The following DLG2 variants were observed in gnomAD, a reference collection of about 807,000 sequenced individuals.
DLG2 encodes the protein discs large MAGUK scaffold protein 2, also known as disks large homolog 2.
A neutral mutation model predicts 132.5 loss-of-function variants in DLG2; 45 were observed. The observed-to-expected ratio is 0.34, with a 90% CI of 0.27 to 0.44. The LOEUF is 0.44. DLG2 is among the 20% of genes least tolerant of loss of function. The pLI, the probability that DLG2 is intolerant of heterozygous loss-of-function variation, is 1.00. For synonymous variants in DLG2, 424 were observed against 419.6 expected (o/e 1.01, Z -0.13); for missense variants, 1,045 against 1,196.9 (o/e 0.87, Z 1.87).
chr11:84,588,907 G>A (rs568728490), intron 6 of DLG2, among the ~76,000 whole-genome samples: 29 of 151,950 alleles, frequency 1.9e-4, no homozygotes, highest in African/African-American at 6.3e-4. Context: ...CTATGGACTC[G>A]CCCTGAATTC....
At chr11:84,488,792 A>G (rs905589120) in intron 7 of DLG2, among the ~76,000 whole-genome samples, 3 of 152,156 alleles carry the variant, frequency 2.0e-5, no homozygotes, top group Admixed American at 6.6e-5. Flanking sequence ...GGTAAAACTA[A>G]TAAATACTGT....
chr11:84,174,307 C>T (rs1378417086), intron 8 of DLG2, among the ~76,000 whole-genome samples: 1 of 151,948 alleles, frequency 6.6e-6, no homozygotes, highest in Non-Finnish European at 1.5e-5. Flanking sequence ...TTCTTCATAT[C>T]CTTTGAGGTT....
At chr11:83,988,898 A>G (rs1459556258) in intron 11 of DLG2, among the ~76,000 whole-genome samples, 1 of 152,064 alleles carries the variant, frequency 6.6e-6, no homozygotes, top group African/African-American at 2.4e-5. Context: ...TAAGTCATCT[A>G]CATATTTTGT....
chr11:83,709,635 GGTT>G (rs2084923015), intron 18 of DLG2, among the ~76,000 whole-genome samples: 1 of 152,132 alleles, frequency 6.6e-6, no homozygotes, highest in African/African-American at 2.4e-5. Flanking sequence ...AGCATCTGCA[GGTT>G]TTGTTTTCAA....
intron 6 of DLG2, among the ~76,000 whole-genome samples, chr11:84,818,409 C>T (rs1241208308): frequency 6.6e-6 from 1 of 151,724 alleles, no homozygotes; most frequent in African/African-American, 2.4e-5. Flanking sequence ...TCTCTTCTTC[C>T]CATAACTTTC....
intron 7 of DLG2, among the ~76,000 whole-genome samples, chr11:84,383,716 A>C (rs1483079109): frequency 6.6e-6 from 1 of 152,060 alleles, no homozygotes; most frequent in Admixed American, 6.6e-5. Flanking sequence ...CATTCTGTTA[A>C]CAATCCAAGT....
chr11:85,130,376 G>C (rs180838828), intron 5 of DLG2, among the ~76,000 whole-genome samples: 296 of 152,232 alleles, frequency 1.9e-3, no homozygotes, highest in African/African-American at 6.9e-3. Flanking sequence ...TCCAGTAGGG[G>C]AAAATGGCAG....
At position 83,639,508 on chromosome 11, in the gene DLG2, C is replaced by CA. The variant is rs1371399218; in HGVS notation, c.1826-6184dup. Among the ~76,000 whole-genome samples the CA allele has an allele frequency of 2.9e-5, 4 of 138,288 alleles. No individual in the cohort carries two copies. In the South Asian group the frequency reaches 6.9e-4, roughly 24 times the overall value. The allele number at this position is 138,288 out of a possible 152,430, so 90.7% of individuals were successfully genotyped here. A position where few individuals can be genotyped will look rare whatever the true frequency, so the allele number is the denominator to read the frequency against. On this transcript the variant is annotated intron_variant, in intron 18 of 27. Coordinates refer to ENST00000376104, the MANE Select transcript of DLG2 (RefSeq NM_001142699.3). ...CATTCTCAGCAAACTATCGCAAGGA[C>CA]AAAAAACCAAACACCGCATGTTCTC...
At chr11:85,418,792 C>A (rs1439196177) in intron 3 of DLG2, among the ~76,000 whole-genome samples, 2 of 152,102 alleles carry the variant, frequency 1.3e-5, no homozygotes, top group Non-Finnish European at 1.5e-5. Flanking sequence ...TAGTAAATAT[C>A]CTTCCATCCC....
chr11:84,447,651 T>A (rs544529000), intron 7 of DLG2, among the ~76,000 whole-genome samples: 37 of 152,050 alleles, frequency 2.4e-4, no homozygotes, highest in Non-Finnish European at 4.7e-4. Context: ...TTCTTTCTTT[T>A]TCTTTTCTAA....
intron 7 of DLG2, among the ~76,000 whole-genome samples, chr11:84,331,441 CA>C (rs71465960): frequency 0.028 from 3,388 of 119,574 alleles, 110 homozygotes; most frequent in Admixed American, 0.11. Context: ...TTACTTATCT[CA>C]AAAAAAAAAA....
At chr11:84,383,664 A>G (rs777125005) in intron 7 of DLG2, among the ~76,000 whole-genome samples, 2 of 152,066 alleles carry the variant, frequency 1.3e-5, no homozygotes, top group East Asian at 3.9e-4. Flanking sequence ...CCAACAGCCA[A>G]TAAGAAGCTG....
chr11:85,146,767 C>T (rs920777679), intron 5 of DLG2, among the ~76,000 whole-genome samples: 7 of 152,172 alleles, frequency 4.6e-5, no homozygotes, highest in Non-Finnish European at 1.0e-4. Flanking sequence ...GTCCACTGGC[C>T]CCAAGCCCAG....
intron 11 of DLG2, among the ~76,000 whole-genome samples, chr11:84,055,776 T>A (rs1156865646): frequency 6.6e-6 from 1 of 152,132 alleles, no homozygotes; most frequent in Admixed American, 6.6e-5. Flanking sequence ...CCTAGTACTT[T>A]TCCCAATTTA....
At chr11:83,667,942 G>T (rs1184308008) in intron 18 of DLG2, among the ~76,000 whole-genome samples, 3 of 115,776 alleles carry the variant, frequency 2.6e-5, no homozygotes, top group African/African-American at 1.0e-4. Context: ...TGCCACTGCA[G>T]TCCAGCCCGG....
At chr11:85,297,016 T>C (rs1024034525) in intron 3 of DLG2, among the ~76,000 whole-genome samples, 12 of 151,360 alleles carry the variant, frequency 7.9e-5, no homozygotes, top group African/African-American at 2.9e-4. Flanking sequence ...ATCATTTCCA[T>C]TATATTATTT....
At chr11:84,608,780 C>G (rs2099590196) in intron 6 of DLG2, among the ~76,000 whole-genome samples, 3 of 152,132 alleles carry the variant, frequency 2.0e-5, no homozygotes, top group Admixed American at 2.0e-4. Context: ...GAGGACAAAT[C>G]AAACTACAAA....
intron 7 of DLG2, among the ~76,000 whole-genome samples, chr11:84,452,444 G>T (rs1164989605): frequency 6.6e-6 from 1 of 151,726 alleles, no homozygotes; most frequent in East Asian, 1.9e-4. Flanking sequence ...GATTACTCCT[G>T]CTGTCTTAAA....
At chr11:83,526,094 A>G (rs2095602461) in intron 21 of DLG2, among the ~76,000 whole-genome samples, 2 of 152,162 alleles carry the variant, frequency 1.3e-5, no homozygotes, top group African/African-American at 4.8e-5. Context: ...GGAGTTTGCT[A>G]TCAACCTATC....
Sources: allele counts gnomAD v4.1 joint callset (sites outside exome capture counted in the v4.1 genomes callset), GRCh38; gene constraint gnomAD v4.1.1; transcripts MANE v1.5; gene names NCBI Gene and HGNC (gene_info 2026-07-23, HGNC 2026-07-21).